The following KCNJ6 variants were observed in gnomAD, a reference collection of about 807,000 sequenced individuals.
The protein encoded by KCNJ6 is G protein-activated inward rectifier potassium channel 2.
Under a neutral mutation model 34.2 loss-of-function variants are expected in KCNJ6, and 9 were observed. That is an observed-to-expected ratio of 0.26 (90% CI 0.16 to 0.46). KCNJ6 has a LOEUF of 0.46. Among genes scored for constraint, KCNJ6 ranks in the 20% least tolerant of loss-of-function variants. The pLI, the probability that KCNJ6 is intolerant of heterozygous loss-of-function variation, is 1.00. For missense variants in KCNJ6, 236 were observed against 531.3 expected, an observed-to-expected ratio of 0.44 and a Z score of 5.46; for synonymous variants, 196 against 207.1, an observed-to-expected ratio of 0.95 and a Z score of 0.46.
At chr21:37,851,673 C>T (rs999789146) in intron 1 of KCNJ6, among the ~76,000 whole-genome samples, 6 of 152,038 alleles carry the variant, frequency 3.9e-5, no homozygotes, top group East Asian at 3.9e-4. Flanking sequence ...GTTCTTTTAT[C>T]TCTTCTTTTT....
rs566930437 is a variant in KCNJ6, at chr21:37,884,733, C to A, written c.-28+31151G>T. 6.6e-5 allele frequency among the ~76,000 whole-genome samples: 10 copies of A among 152,282 alleles called. 1 individual carries two copies. In the East Asian group the frequency reaches 1.9e-3, roughly 29 times the overall value. On this transcript the variant is annotated intron_variant, in intron 1 of 3. Transcript: ENST00000609713. ...GTCACCTGGCTCTCATCCCCAGGGACCTAGGACCACTGGGTCAGGAAGAGG... is the reference window on the plus strand; with the variant it reads ...GTCACCTGGCTCTCATCCCCAGGGAACTAGGACCACTGGGTCAGGAAGAGG...
At chr21:37,763,162 G>A (rs1406141354) in intron 2 of KCNJ6, among the ~76,000 whole-genome samples, 1 of 152,052 alleles carries the variant, frequency 6.6e-6, no homozygotes, top group Non-Finnish European at 1.5e-5. Context: ...GTCACCACCC[G>A]CTCCCAGCTG....
At chr21:37,729,077 C>A (rs2054870456) in intron 2 of KCNJ6, among the ~76,000 whole-genome samples, 1 of 152,092 alleles carries the variant, frequency 6.6e-6, no homozygotes, top group South Asian at 2.1e-4. Flanking sequence ...TAGAACAGAT[C>A]CTACATCCCA....
At chr21:37,886,310 T>C (rs1020585908) in intron 1 of KCNJ6, among the ~76,000 whole-genome samples, 3 of 152,188 alleles carry the variant, frequency 2.0e-5, no homozygotes, top group Non-Finnish European at 4.4e-5. Flanking sequence ...AGCTGCTCAC[T>C]CTTACTGAGA....
intron 2 of KCNJ6, among the ~76,000 whole-genome samples, chr21:37,762,667 C>G (rs933009438): frequency 6.6e-6 from 1 of 152,154 alleles, no homozygotes; most frequent in Non-Finnish European, 1.5e-5. Flanking sequence ...ACCACGATGA[C>G]ATGGGCCTTC....
rs182989156 is a variant in KCNJ6 at position 37,878,982 on chromosome 21, G to A, written c.-28+36902C>T. On this transcript the variant is annotated intron_variant, in intron 1 of 3. Transcript: ENST00000609713. ...TGTGACCTTCTTGAGGGCAGGGACCGTGTATTGATCATCATTCACGCCTGC... is the reference window on the plus strand; with the variant it reads ...TGTGACCTTCTTGAGGGCAGGGACCATGTATTGATCATCATTCACGCCTGC... 1.9e-4 allele frequency among the ~76,000 whole-genome samples: 29 copies of A among 152,306 alleles called. No individual in the cohort carries two copies. In the Middle Eastern group the frequency reaches 0.01, roughly 54 times the overall value.
chr21:37,734,767 T>A (rs1211966770), intron 2 of KCNJ6, among the ~76,000 whole-genome samples: 1 of 152,148 alleles, frequency 6.6e-6, no homozygotes, highest in East Asian at 1.9e-4. Flanking sequence ...GGTTGCCCAC[T>A]CTGTCTCCCT....
At position 37,609,024 on chromosome 21, in the gene KCNJ6, A is replaced by T. The variant is rs1374817019; in HGVS notation, c.*16135T>A. ...CCTGCTCCCAGCATTGACGAGCTTC[A>T]TGAACCTTGAAAATGGAACACTTTA... is the stretch of plus-strand genomic sequence containing the variant. On this transcript the variant is annotated 3_prime_UTR_variant, in exon 4 of 4. Transcript: ENST00000609713. The T allele has an allele frequency of 6.6e-6, 1 of 152,242 alleles. No homozygotes were observed. The highest frequency in any genetic ancestry group is 1.5e-5 in the Non-Finnish European group (1 of 68,040). The allele number at this position is 152,242 out of a possible 1,614,324, so 9.4% of individuals were successfully genotyped here.
intron 2 of KCNJ6, among the ~76,000 whole-genome samples, chr21:37,795,315 G>A (rs1350360720): frequency 6.6e-6 from 1 of 152,176 alleles, no homozygotes; most frequent in East Asian, 1.9e-4. Flanking sequence ...GTGATGGAAG[G>A]TCACTTACAA....
intron 1 of KCNJ6, among the ~76,000 whole-genome samples, chr21:37,863,804 A>G (rs887100734): frequency 2.7e-5 from 3 of 111,716 alleles, no homozygotes; most frequent in African/African-American, 1.1e-4. Context: ...TAAAAGTCTT[A>G]TTGGCTTACA....
At chr21:37,870,629 C>T (rs2055646925) in intron 1 of KCNJ6, among the ~76,000 whole-genome samples, 1 of 149,914 alleles carries the variant, frequency 6.7e-6, no homozygotes, top group South Asian at 2.1e-4. Context: ...CTTAGGAAGG[C>T]ATTTAAAACC....
chr21:37,867,944 A>G (rs1461843567), intron 1 of KCNJ6, among the ~76,000 whole-genome samples: 1 of 152,220 alleles, frequency 6.6e-6, no homozygotes. Flanking sequence ...TTTATATAGC[A>G]GGTAGCTGGG....
intron 2 of KCNJ6, among the ~76,000 whole-genome samples, chr21:37,837,396 T>TA (rs1015434819): frequency 2.0e-5 from 3 of 152,194 alleles, no homozygotes; most frequent in Admixed American, 6.5e-5. Context: ...TGCTTGCCCT[T>TA]AAAAAAATGA....
chr21:37,846,030 A>G (rs565036585), intron 1 of KCNJ6, among the ~76,000 whole-genome samples: 99 of 152,336 alleles, frequency 6.5e-4, no homozygotes, highest in Admixed American at 3.5e-3. Context: ...ATGCTGAAAA[A>G]AAAACAACGT....
rs1330170890 is a variant in KCNJ6 at position 37,778,586 on chromosome 21, AC to A, written c.25+62071del. The stretch of plus-strand genomic sequence containing the variant: ...TTGAATTGACATCAGATAATTCTGT[AC>A]TTGGGAAACTACTCTGGATGTGGCA... On this transcript the variant is annotated intron_variant, in intron 2 of 3. Coordinates refer to ENST00000609713, the MANE Select transcript of KCNJ6 (RefSeq NM_002240.5). 2.6e-5 allele frequency among the ~76,000 whole-genome samples: 4 copies of A among 152,248 alleles called. No homozygotes were observed. In the East Asian group the frequency reaches 7.7e-4, roughly 29 times the overall value.
intron 2 of KCNJ6, among the ~76,000 whole-genome samples, chr21:37,805,111 G>A (rs1441684394): frequency 6.6e-6 from 1 of 152,102 alleles, no homozygotes; most frequent in Non-Finnish European, 1.5e-5. Flanking sequence ...GCCAGGAAAG[G>A]GGGCAGGTGG....
intron 3 of KCNJ6, among the ~76,000 whole-genome samples, chr21:37,671,146 G>A (rs149441238): frequency 1.0e-3 from 156 of 152,270 alleles, no homozygotes; most frequent in African/African-American, 3.3e-3. Context: ...GATAGCTTCC[G>A]GGTGGGGGCT....
At chr21:37,859,107 GAAC>G (rs1034901863) in intron 1 of KCNJ6, among the ~76,000 whole-genome samples, 2 of 151,750 alleles carry the variant, frequency 1.3e-5, no homozygotes, top group African/African-American at 4.8e-5. Flanking sequence ...ATATGATAAA[GAAC>G]AATAAACATA....
chr21:37,620,117 C>G lies in KCNJ6; in HGVS notation c.*5042G>C. On this transcript the variant is annotated 3_prime_UTR_variant, in exon 4 of 4. Transcript: ENST00000609713. ...GAAAAAAAGTCATTCTTCTATATTGCCTAGGACTCTCTTAAGAGTACAGTA... is the reference window on the plus strand; with the variant it reads ...GAAAAAAAGTCATTCTTCTATATTGGCTAGGACTCTCTTAAGAGTACAGTA... 1 of 152,070 alleles carries G rather than the reference C, an allele frequency of 6.6e-6. No homozygotes were observed. Among genetic ancestry groups the G allele is most frequent in the East Asian group, 1.9e-4 (1 of 5,198 alleles). 9.4% of individuals were successfully genotyped at this position (152,070 alleles called of 1,614,324 possible). A position where few individuals can be genotyped will look rare whatever the true frequency, so the allele number is the denominator to read the frequency against.
Sources: gnomAD v4.1 joint callset for allele counts (sites outside exome capture counted in the v4.1 genomes callset) on GRCh38, gnomAD v4.1.1 for gene constraint, MANE v1.5 for transcripts, NCBI Gene and HGNC (gene_info 2026-07-23, HGNC 2026-07-21) for gene names.